The following IGSF11 variants were observed in gnomAD, a reference collection of about 807,000 sequenced individuals.
IGSF11 encodes the protein CXADR like 1.
Under a neutral mutation model 41.0 loss-of-function variants are expected in IGSF11, and 22 were observed. That is an observed-to-expected ratio of 0.54 (90% CI 0.38 to 0.77). The LOEUF (loss-of-function observed/expected upper bound fraction) is 0.77. Among genes scored for constraint, IGSF11 ranks in the 30% least tolerant of loss-of-function variants. The pLI is 0.00. For synonymous variants in IGSF11, 219 were observed against 201.3 expected (o/e 1.09, Z -0.74); for missense variants, 444 against 530.8 (o/e 0.84, Z 1.61).
At chr3:119,118,824 T>TA (rs1247020706) in intron 1 of IGSF11, among the ~76,000 whole-genome samples, 1 of 152,234 alleles carries the variant, frequency 6.6e-6, no homozygotes, top group Admixed American at 6.5e-5. Flanking sequence ...TTCTGCCAGA[T>TA]ACCCCTAAAT....
At chr3:119,048,487 A>G (rs1471016381) in intron 1 of IGSF11, among the ~76,000 whole-genome samples, 1 of 152,236 alleles carries the variant, frequency 6.6e-6, no homozygotes, top group African/African-American at 2.4e-5. Flanking sequence ...ACAGGATCTG[A>G]AAGTGTGGCA....
intron 1 of IGSF11, among the ~76,000 whole-genome samples, chr3:119,060,067 G>T (rs898610828): frequency 6.6e-6 from 1 of 152,114 alleles, no homozygotes; most frequent in Non-Finnish European, 1.5e-5. Flanking sequence ...GTGTCATTTG[G>T]CTATTCAGCC....
At chr3:119,048,688 C>CA (rs1285191153) in intron 1 of IGSF11, among the ~76,000 whole-genome samples, 58 of 151,806 alleles carry the variant, frequency 3.8e-4, no homozygotes, top group East Asian at 1.2e-3. Flanking sequence ...GGCAGAGACA[C>CA]AACAAAAAAA....
intron 1 of IGSF11, among the ~76,000 whole-genome samples, chr3:118,971,749 G>A (rs1335765486): frequency 6.6e-6 from 1 of 150,644 alleles, no homozygotes. Context: ...GTTGAAGTGA[G>A]CTGAGATCAC....
At chr3:119,105,161 T>C in exon 1 of IGSF11, 1 of 1,609,430 alleles carries the variant, frequency 6.2e-7, no homozygotes, top group Non-Finnish European at 8.5e-7. Context: ...AGAAAAGCAG[T>C]TCCACCAGAG....
rs530554137 is a variant in IGSF11 at position 118,955,128 on chromosome 3, T to C, written c.53-24853A>G. Among the ~76,000 whole-genome samples the C allele has an allele frequency of 2.0e-5, 3 of 152,190 alleles. No individual in the cohort carries two copies. The East Asian group carries it at 5.8e-4, about 29-fold the overall frequency. On this transcript the variant is annotated intron_variant, in intron 1 of 6. Transcript: ENST00000393775. ...CACATGCATGTTTATAGCAGCACAA[T>C]TTGCAATTGCAAAAGTATGGAACCA...
chr3:119,132,094 A>C (rs2077490417), intron 1 of IGSF11, among the ~76,000 whole-genome samples: 1 of 152,226 alleles, frequency 6.6e-6, no homozygotes, highest in South Asian at 2.1e-4. Flanking sequence ...CCACTGCAAA[A>C]ACATGCCAAA....
At chr3:118,976,453 A>G (rs1934114376) in intron 1 of IGSF11, among the ~76,000 whole-genome samples, 1 of 152,208 alleles carries the variant, frequency 6.6e-6, no homozygotes, top group Admixed American at 6.5e-5. Flanking sequence ...CACCATCATC[A>G]TTGAAGTGCC....
At chr3:118,971,802 CAAAAA>C (rs11370113) in intron 1 of IGSF11, among the ~76,000 whole-genome samples, 1 of 88,964 alleles carries the variant, frequency 1.1e-5, no homozygotes, top group African/African-American at 3.6e-5. Flanking sequence ...GACTCCGTCT[CAAAAA>C]AAAAAAAAAA....
intron 1 of IGSF11, among the ~76,000 whole-genome samples, chr3:119,003,991 G>C (rs1384533358): frequency 6.6e-6 from 1 of 151,930 alleles, no homozygotes; most frequent in Non-Finnish European, 1.5e-5. Context: ...ATGAGTTAGG[G>C]AGGATTCCCT....
At chr3:119,049,741 T>G (rs965673382) in intron 1 of IGSF11, among the ~76,000 whole-genome samples, 3 of 152,006 alleles carry the variant, frequency 2.0e-5, no homozygotes, top group Admixed American at 1.3e-4. Context: ...CTACCTGAAT[T>G]CAAACTATAC....
chr3:118,946,204 GCACACACACA>G (rs148772016), intron 1 of IGSF11, among the ~76,000 whole-genome samples: 8 of 140,666 alleles, frequency 5.7e-5, no homozygotes, highest in Non-Finnish European at 9.4e-5. Flanking sequence ...ACACACACAC[GCACACACACA>G]CACACACACA....
chr3:119,090,259 C>A (rs567973871), intron 1 of IGSF11, among the ~76,000 whole-genome samples: 1 of 152,238 alleles, frequency 6.6e-6, no homozygotes, highest in South Asian at 2.1e-4. Context: ...GGAAAAACAT[C>A]CCATGCTCAT....
upstream of IGSF11, chr3:119,034,917 G>T: frequency 1.1e-6 from 1 of 912,468 alleles, no homozygotes; most frequent in Non-Finnish European, 1.4e-6. Context: ...CCGCAGCTCG[G>T]CTCCTCGCCG....
upstream of IGSF11, among the ~76,000 whole-genome samples, chr3:119,035,866 C>T (rs1940869900): frequency 6.6e-6 from 1 of 152,170 alleles, no homozygotes; most frequent in African/African-American, 2.4e-5. Context: ...TCTACAGCAG[C>T]ATAAATTAGG....
At chr3:119,097,957 A>AT (rs377746200) in intron 1 of IGSF11, among the ~76,000 whole-genome samples, 3,637 of 58,274 alleles carry the variant, frequency 0.062, 561 homozygotes, top group Admixed American at 0.1. Flanking sequence ...CATTCAGCTA[A>AT]TTTTTTTTTT....
chr3:118,939,575 CAA>C (rs34558286), intron 1 of IGSF11, among the ~76,000 whole-genome samples: 3 of 137,390 alleles, frequency 2.2e-5, no homozygotes, highest in African/African-American at 2.6e-5. Flanking sequence ...GACTCCGTCT[CAA>C]AAAAAAAAAA....
At position 119,029,173 on chromosome 3, in the gene IGSF11, TACACAC is replaced by T. The variant is rs66598029; in HGVS notation, c.52+5352_52+5357del. 7.1e-3 allele frequency among the ~76,000 whole-genome samples: 787 copies of T among 111,552 alleles called. 8 individuals are homozygous for T. Among genetic ancestry groups the T allele is most frequent in the African/African-American group, 0.025 (672 of 27,254 alleles). The allele number at this position is 111,552 out of a possible 152,430, so 73.2% of individuals were successfully genotyped here. On this transcript the variant is annotated intron_variant, in intron 1 of 6. Coordinates refer to ENST00000393775, the MANE Select transcript of IGSF11 (RefSeq NM_001015887.3). The stretch of plus-strand genomic sequence containing the variant: ...ACATGGTACTGCCTTTTGGGGATAA[TACACAC>T]ACACACACACACACACACACACACA...
In IGSF11 at chr3:119,024,424, A is replaced by C. The variant is rs1425788922; in HGVS notation, c.52+10107T>G. ...AACAGATTCTACTTACCAAGATAAA[A>C]TACTAGGCAGTGAGTTTATGAATCT... On this transcript the variant is annotated intron_variant, in intron 1 of 6. Transcript: ENST00000393775. Among the ~76,000 whole-genome samples, 5 of 152,208 alleles carry C rather than the reference A, an allele frequency of 3.3e-5. No individual in the cohort carries two copies. The South Asian group carries it at 8.3e-4, about 25-fold the overall frequency.
Sources: gnomAD v4.1 joint callset for allele counts (sites outside exome capture counted in the v4.1 genomes callset) on GRCh38, gnomAD v4.1.1 for gene constraint, MANE v1.5 for transcripts, NCBI Gene and HGNC (gene_info 2026-07-23, HGNC 2026-07-21) for gene names.